The following SLC23A2 variants were observed in gnomAD, a reference collection of about 807,000 sequenced individuals.
SLC23A2 encodes solute carrier family 23 member 2.
Under a neutral mutation model 73.3 loss-of-function variants are expected in SLC23A2, and 36 were observed. The ratio of observed to expected loss-of-function variants is 0.49; its 90% confidence interval spans 0.38 to 0.65. SLC23A2 has a LOEUF of 0.65. Ranked by LOEUF, SLC23A2 falls within the 30% of genes least tolerant of loss-of-function variation. SLC23A2 has a pLI of 0.00. For synonymous variants in SLC23A2, 343 were observed against 327.3 expected, an observed-to-expected ratio of 1.05 and a Z score of -0.52; for missense variants, 507 against 841.6, an observed-to-expected ratio of 0.60 and a Z score of 4.92.
chr20:4,946,116 G>A (rs150136779), intron 2 of SLC23A2, among the ~76,000 whole-genome samples: 21 of 152,294 alleles, frequency 1.4e-4, no homozygotes, highest in African/African-American at 4.1e-4. Context: ...CACTGTCTCA[G>A]TTTGTGGACT....
chr20:4,897,414 A>G (rs1343033212), intron 6 of SLC23A2, among the ~76,000 whole-genome samples: 3 of 152,198 alleles, frequency 2.0e-5, no homozygotes, highest in South Asian at 2.1e-4. Context: ...GCCAAAGGTC[A>G]TGGGGGACTC....
chr20:4,883,523 A>G lies in SLC23A2; in HGVS notation c.824+119T>C, dbSNP rs1930975037. 2 of 776,016 alleles carry G rather than the reference A, an allele frequency of 2.6e-6. No homozygotes were observed. Among genetic ancestry groups the G allele is most frequent in the East Asian group, 5.5e-5 (2 of 36,490 alleles). The allele number at this position is 776,016 out of a possible 1,614,324, so 48.1% of individuals were successfully genotyped here. On this transcript the variant is annotated intron_variant, in intron 9 of 16. Coordinates refer to ENST00000338244, the MANE Select transcript of SLC23A2 (RefSeq NM_005116.6). This position sits in a 1 kb window ranked among gnomAD's most constrained non-coding sequence, Gnocchi z 4.5. The stretch of plus-strand genomic sequence containing the variant: ...TCAACTATTCCCCAGCACGAAGCAA[A>G]TAAAGTTGAAACTGTCAGACCATTC...
At chr20:4,941,565 G>A (rs1237311823) in intron 2 of SLC23A2, among the ~76,000 whole-genome samples, 1 of 151,926 alleles carries the variant, frequency 6.6e-6, no homozygotes, top group Non-Finnish European at 1.5e-5. Flanking sequence ...AGCCAGGCGT[G>A]GTGGAGCATG....
chr20:4,976,697 G>A (rs969567210), intron 1 of SLC23A2, among the ~76,000 whole-genome samples: 4 of 151,944 alleles, frequency 2.6e-5, no homozygotes, highest in South Asian at 4.2e-4. Flanking sequence ...AGAGTCTGCC[G>A]GGCACGGTGA....
chr20:4,856,345 A>G lies in SLC23A2; in HGVS notation c.*627T>C, dbSNP rs1430585433. 6.6e-6 allele frequency: 1 copy of G among 152,226 alleles called. No individual in the cohort carries two copies. Among genetic ancestry groups the G allele is most frequent in the African/African-American group, 2.4e-5 (1 of 41,424 alleles). 9.4% of individuals were successfully genotyped at this position (152,226 alleles called of 1,614,324 possible). Reference sequence around the variant, plus strand: ...TCAGGGTCCTTTCCTTTTCCCTCCAATGCCCCAAACAGATGTTCATTCAAC... The same window carrying G: ...TCAGGGTCCTTTCCTTTTCCCTCCAGTGCCCCAAACAGATGTTCATTCAAC... On this transcript the variant is annotated 3_prime_UTR_variant, in exon 17 of 17. Coordinates refer to ENST00000338244, the MANE Select transcript of SLC23A2 (RefSeq NM_005116.6). The surrounding 1 kb of genome is among the most constrained non-coding windows in gnomAD (Gnocchi z 4.6).
At chr20:4,870,125 T>A in intron 11 of SLC23A2, 72 bp from the exon 12 acceptor site, 1 of 1,307,026 alleles carries the variant, frequency 7.7e-7, no homozygotes. Flanking sequence ...TTACCCAAAG[T>A]CATTCTGAAC....
At chr20:4,957,421 A>G (rs1353752839) in intron 2 of SLC23A2, among the ~76,000 whole-genome samples, 2 of 151,788 alleles carry the variant, frequency 1.3e-5, no homozygotes, top group Non-Finnish European at 2.9e-5. Context: ...TGATCATGAC[A>G]CTGCACTCAA....
chr20:4,875,179 C>G (rs577099399), intron 9 of SLC23A2, among the ~76,000 whole-genome samples: 1 of 152,340 alleles, frequency 6.6e-6, no homozygotes, highest in East Asian at 1.9e-4. Flanking sequence ...TGAGTAGTTA[C>G]ATGATTTGCA....
In SLC23A2 at chr20:4,961,695, C is replaced by T. The variant is rs575891930; in HGVS notation, c.-155+9098G>A. On this transcript the variant is annotated intron_variant, in intron 2 of 16. Transcript: ENST00000338244. ...CACATGACTGAGATTCCAGCCCTGA[C>T]TGTGCCATTAATGATGGGAGGAGAT... is the stretch of plus-strand genomic sequence containing the variant. 5.3e-5 allele frequency among the ~76,000 whole-genome samples: 8 copies of T among 152,280 alleles called. No homozygotes were observed. In the South Asian group the frequency reaches 1.7e-3, roughly 32 times the overall value.
intron 2 of SLC23A2, among the ~76,000 whole-genome samples, chr20:4,962,600 CG>C (rs1341651831): frequency 6.6e-6 from 1 of 152,264 alleles, no homozygotes; most frequent in East Asian, 1.9e-4. Flanking sequence ...AGTGAGGTCC[CG>C]TGGCCGGATA....
At chr20:4,866,443 T>C (rs562229690) in intron 13 of SLC23A2, among the ~76,000 whole-genome samples, 1 of 152,340 alleles carries the variant, frequency 6.6e-6, no homozygotes, top group East Asian at 1.9e-4. Flanking sequence ...CCCCATTCTG[T>C]GCCCATGAGA....
intron 3 of SLC23A2, among the ~76,000 whole-genome samples, chr20:4,924,246 G>A (rs557519128): frequency 1.3e-5 from 2 of 152,166 alleles, no homozygotes; most frequent in South Asian, 4.2e-4. Context: ...CAAAGCTCTC[G>A]GCCACACCTC....
At chr20:4,920,244 G>C (rs972511881) in intron 3 of SLC23A2, among the ~76,000 whole-genome samples, 1 of 152,170 alleles carries the variant, frequency 6.6e-6, no homozygotes, top group African/African-American at 2.4e-5. Context: ...CTGGGCAACA[G>C]AACGAGACTC....
intron 7 of SLC23A2, among the ~76,000 whole-genome samples, chr20:4,885,554 C>T (rs562798765): frequency 2.0e-5 from 3 of 152,270 alleles, no homozygotes; most frequent in East Asian, 1.9e-4. Context: ...TTTTCTATTC[C>T]GTTCCCATAT....
At chr20:4,935,023 T>G (rs1275450620) in intron 2 of SLC23A2, among the ~76,000 whole-genome samples, 1 of 151,010 alleles carries the variant, frequency 6.6e-6, no homozygotes, top group Non-Finnish European at 1.5e-5. Flanking sequence ...CTGTCTCTAC[T>G]AAATATACAA....
upstream of SLC23A2, among the ~76,000 whole-genome samples, chr20:5,002,438 T>C (rs2423084): frequency 0.2 from 29,954 of 152,148 alleles, 3,285 homozygotes; most frequent in African/African-American, 0.3. Flanking sequence ...ACCTTCCATC[T>C]TGAAACCGTT....
intron 2 of SLC23A2, among the ~76,000 whole-genome samples, chr20:4,952,033 G>A (rs1190554282): frequency 6.8e-6 from 1 of 148,036 alleles, no homozygotes; most frequent in Non-Finnish European, 1.5e-5. Context: ...GAACCTGGGA[G>A]GCAGAGGTTG....
chr20:4,887,661 C>T (rs893294474), intron 6 of SLC23A2, among the ~76,000 whole-genome samples: 1 of 152,172 alleles, frequency 6.6e-6, no homozygotes, highest in Non-Finnish European at 1.5e-5. Flanking sequence ...TGTAAAGATA[C>T]TTGCTCATTT....
At chr20:4,918,307 C>T (rs964540269) in intron 3 of SLC23A2, among the ~76,000 whole-genome samples, 1 of 152,158 alleles carries the variant, frequency 6.6e-6, no homozygotes, top group Non-Finnish European at 1.5e-5. Flanking sequence ...CCAAAACTAT[C>T]TTAAACTAAA....
Sources: gnomAD v4.1 joint callset for allele counts (sites outside exome capture counted in the v4.1 genomes callset) on GRCh38, gnomAD v4.1.1 for gene constraint, Gnocchi (gnomAD v3.1) non-coding constraint, MANE v1.5 for transcripts, NCBI Gene and HGNC (gene_info 2026-07-23, HGNC 2026-07-21) for gene names.